NAP1L4: variants seen among roughly 807,000 people sequenced by gnomAD.
NAP1L4 encodes nucleosome assembly protein 1-like 4.
A neutral mutation model predicts 58.2 loss-of-function variants in NAP1L4; 15 were observed. The observed-to-expected ratio is 0.26, with a 90% CI of 0.17 to 0.40. The LOEUF is 0.40. Ranked by LOEUF, NAP1L4 falls within the 10% of genes least tolerant of loss-of-function variation. The pLI is 1.00. For missense variants in NAP1L4, 384 were observed against 451.1 expected (o/e 0.85, Z 1.35); for synonymous variants, 171 against 155.6 (o/e 1.10, Z -0.74).
intron 2 of NAP1L4, among the ~76,000 whole-genome samples, 157 bp from the exon 3 acceptor site, chr11:2,978,499 G>T (rs1346678250): frequency 6.6e-6 from 1 of 152,130 alleles, no homozygotes; most frequent in Non-Finnish European, 1.5e-5. Context: ...TTATCTCAGA[G>T]GCTGTCCTCT....
intron 1 of NAP1L4, among the ~76,000 whole-genome samples, chr11:2,988,382 G>A (rs1848772034): frequency 6.6e-6 from 1 of 152,132 alleles, no homozygotes; most frequent in Non-Finnish European, 1.5e-5. Flanking sequence ...CTACTCCTCT[G>A]CACTGTTTTT....
intron 1 of NAP1L4, among the ~76,000 whole-genome samples, chr11:2,984,124 G>A (rs148818291): frequency 0.023 from 3,279 of 140,324 alleles, 134 homozygotes; most frequent in African/African-American, 0.084. Context: ...CTATCACTGC[G>A]CCACTGAACT....
chr11:2,953,060 G>A (rs2133908967), intron 12 of NAP1L4, among the ~76,000 whole-genome samples: 1 of 152,346 alleles, frequency 6.6e-6, no homozygotes, highest in Non-Finnish European at 1.5e-5. Flanking sequence ...TACAGCTGAG[G>A]AAACTGAAGC....
intron 1 of NAP1L4, among the ~76,000 whole-genome samples, chr11:2,986,407 A>T (rs1008409089): frequency 2.0e-5 from 3 of 151,556 alleles, no homozygotes; most frequent in Non-Finnish European, 2.9e-5. Flanking sequence ...AGGAAAAAAA[A>T]ATTGGGCCAC....
At chr11:2,986,365 C>G (rs569907984) in intron 1 of NAP1L4, among the ~76,000 whole-genome samples, 4 of 129,394 alleles carry the variant, frequency 3.1e-5, no homozygotes, top group East Asian at 2.5e-4. Flanking sequence ...CAGAGCCAGA[C>G]CCTGTCTCAA....
intron 4 of NAP1L4, among the ~76,000 whole-genome samples, chr11:2,974,491 CTCAG>C (rs1400057942): frequency 6.6e-6 from 1 of 152,212 alleles, no homozygotes. Flanking sequence ...GCCACTCCCA[CTCAG>C]TATCACCCCA....
At position 2,951,210 on chromosome 11, in the gene NAP1L4, TAAG is replaced by T. The variant is rs774402834; in HGVS notation, c.1122+46_1122+48del. 1.4e-6 allele frequency: 2 copies of T among 1,449,786 alleles called. No homozygotes were observed. The highest frequency in any genetic ancestry group is 1.9e-6 in the Non-Finnish European group (2 of 1,035,210). The allele number at this position is 1,449,786 out of a possible 1,614,324, so 89.8% of individuals were successfully genotyped here. A position where few individuals can be genotyped will look rare whatever the true frequency, so the allele number is the denominator to read the frequency against. The stretch of plus-strand genomic sequence containing the variant: ...AAAGTGGGGAACATTTTTAAAAGTC[TAAG>T]AGTGCAGCATAATAAGTAGGTCTGG... On this transcript the variant is annotated intron_variant, in intron 14 of 15. Coordinates refer to ENST00000380542, the MANE Select transcript of NAP1L4 (RefSeq NM_005969.4). The surrounding 1 kb of genome is among the most constrained non-coding windows in gnomAD (Gnocchi z 4.0).
At chr11:2,969,708 C>G (rs1399649814) in intron 7 of NAP1L4, 95 bp downstream of exon 7, 2 of 1,398,308 alleles carry the variant, frequency 1.4e-6, no homozygotes, top group South Asian at 1.6e-5. Flanking sequence ...TATGAACAAT[C>G]TTTCAATGCC....
At chr11:2,984,477 A>G (rs1221910726) in intron 1 of NAP1L4, among the ~76,000 whole-genome samples, 2 of 152,316 alleles carry the variant, frequency 1.3e-5, no homozygotes, top group East Asian at 3.9e-4. Flanking sequence ...AGGCTGAGGC[A>G]GGAGAATCTC....
intron 1 of NAP1L4, chr11:2,990,364 T>C (rs956605350): frequency 3.9e-5 from 6 of 152,360 alleles, no homozygotes; most frequent in African/African-American, 1.4e-4. Flanking sequence ...TCTCTCTCTG[T>C]AGTCACTCAT....
chr11:2,952,305 T>C (rs546580180), intron 12 of NAP1L4: 8 of 158,998 alleles, frequency 5.0e-5, no homozygotes, highest in African/African-American at 1.7e-4. Flanking sequence ...ATCTTTAAAG[T>C]GATCAATAAG....
chr11:2,959,628 G>T lies in NAP1L4; in HGVS notation c.746+142C>A. 1 of 987,690 alleles carries T rather than the reference G, an allele frequency of 1.0e-6. No individual in the cohort carries two copies. The highest frequency in any genetic ancestry group is 1.5e-6 in the Non-Finnish European group (1 of 688,382). 61.2% of individuals were successfully genotyped at this position (987,690 alleles called of 1,614,324 possible). On this transcript the variant is annotated intron_variant, in intron 9 of 15. Transcript: ENST00000380542. The surrounding 1 kb of genome is among the most constrained non-coding windows in gnomAD (Gnocchi z 4.9). ...AGCATTCCCAAACTGAAAGACTATT[G>T]AAATATACATCTACCAGGCTTTTAG...
intron 9 of NAP1L4, 98 bp from the exon 10 acceptor site, chr11:2,958,642 G>T (rs1190910251): frequency 7.7e-7 from 1 of 1,295,548 alleles, no homozygotes; most frequent in Non-Finnish European, 1.1e-6. Flanking sequence ...GCCAAACCTG[G>T]AAAACGAAAT....
At chr11:2,960,017 A>C in intron 8 of NAP1L4, 108 bp from the exon 9 acceptor site, 1 of 1,163,886 alleles carries the variant, frequency 8.6e-7, no homozygotes, top group South Asian at 1.5e-5. Flanking sequence ...AAAGCTCAAC[A>C]GATAGGGCCA....
rs1847624997 is a variant in NAP1L4, at chr11:2,971,323, C to T, written c.402+125G>A. The T allele has an allele frequency of 1.3e-6, 1 of 762,428 alleles. No individual in the cohort carries two copies. 47.2% of individuals were successfully genotyped at this position (762,428 alleles called of 1,614,324 possible). A position where few individuals can be genotyped will look rare whatever the true frequency, so the allele number is the denominator to read the frequency against. On this transcript the variant is annotated intron_variant, in intron 6 of 15. Coordinates refer to ENST00000380542, the MANE Select transcript of NAP1L4 (RefSeq NM_005969.4). This position sits in a 1 kb window ranked among gnomAD's most constrained non-coding sequence, Gnocchi z 4.2. ...TATCAGAAAGGAATCTAAACCCAACCTAATGATGCAGCAGCACCTACTGTT... is the reference window on the plus strand; with the variant it reads ...TATCAGAAAGGAATCTAAACCCAACTTAATGATGCAGCAGCACCTACTGTT...
intron 1 of NAP1L4, among the ~76,000 whole-genome samples, chr11:2,982,113 C>T (rs1258540971): frequency 6.6e-6 from 1 of 152,120 alleles, no homozygotes; most frequent in Non-Finnish European, 1.5e-5. Context: ...TGTTATATAC[C>T]TTTGATAATG....
Position 2,958,503 on chromosome 11 carries a change from T to C in NAP1L4, c.788A>G (p.Lys263Arg), listed in dbSNP as rs1846681656. Residue 263 changes from lysine (K) to arginine (R), a missense_variant, in exon 10 of 16, where the codon AAA becomes AGA. Lys to Arg is a conservative substitution (Grantham distance 26). This residue lies in a region of NAP1L4 where 296 missense variants were observed against 360.8 expected (regional missense o/e 0.82). Transcript: ENST00000380542. ...ATGCTTCTGCTTTTTCTTGATGGTT[T>C]TGACAGTAACATTCTTTCCTTTCTT... Reference protein sequence around the residue: ...DWKKGKNVTVKTIKKKQKHKG... With the variant: ...DWKKGKNVTVRTIKKKQKHKG... The C allele has an allele frequency of 3.1e-6, 5 of 1,614,082 alleles. No individual in the cohort carries two copies. Among genetic ancestry groups the C allele is most frequent in the Admixed American group, 3.3e-5 (2 of 60,008 alleles).
In NAP1L4 at chr11:2,972,229, A is replaced by G. The variant is rs1231214813; in HGVS notation, c.188T>C (p.Val63Ala). 1.9e-6 allele frequency: 3 copies of G among 1,609,518 alleles called. No individual in the cohort carries two copies. Among genetic ancestry groups the G allele is most frequent in the Non-Finnish European group, 2.5e-6 (3 of 1,178,774 alleles). ...TTTCAATGCATTAATTCTTCTTTTT[A>G]CTGCTTTAGGTAAACTAAAAAAGGG... The part of the protein sequence containing the change: ...SSYIETLPKA[V>A]KRRINALKQL... Residue 63 changes from valine (V) to alanine (A), a missense_variant, in exon 5 of 16, where the codon GTA becomes GCA. Physicochemically the swap from Val to Ala is moderately conservative, Grantham distance 64 (BLOSUM62 0). This residue lies in a region of NAP1L4 where 4 missense variants were observed against 16.7 expected (regional missense o/e 0.24). Transcript: ENST00000380542.
intron 4 of NAP1L4, among the ~76,000 whole-genome samples, chr11:2,973,750 C>T (rs1256670367): frequency 6.6e-6 from 1 of 152,098 alleles, no homozygotes; most frequent in Non-Finnish European, 1.5e-5. Flanking sequence ...CCATTTTTAC[C>T]CCTTTTCTGC....
Sources: allele counts gnomAD v4.1 joint callset (sites outside exome capture counted in the v4.1 genomes callset), GRCh38; gene constraint gnomAD v4.1.1; regional missense constraint gnomAD v4.1.1; non-coding constraint Gnocchi (gnomAD v3.1); transcripts MANE v1.5; gene names NCBI Gene and HGNC (gene_info 2026-07-23, HGNC 2026-07-21).